MAP3K13: variants seen among roughly 807,000 people sequenced by gnomAD.
The protein encoded by MAP3K13 is mitogen-activated protein kinase kinase kinase 13.
Under a neutral mutation model 104.0 loss-of-function variants are expected in MAP3K13, and 52 were observed. The ratio of observed to expected loss-of-function variants is 0.50; its 90% CI spans 0.40 to 0.63. The LOEUF (loss-of-function observed/expected upper bound fraction) is 0.63, where lower values mean the gene tolerates loss of function less well. Among genes scored for constraint, MAP3K13 ranks in the 20% least tolerant of loss-of-function variants. The probability of loss-of-function intolerance (pLI) is 0.00; values close to 1 mark genes in which losing one functional copy is unlikely to be tolerated. For synonymous variants in MAP3K13, 394 were observed against 442.2 expected (o/e 0.89, Z 1.37); for missense variants, 914 against 1,218.5 (o/e 0.75, Z 3.72).
chr3:185,293,839 T>C (rs368946896), intron 2 of MAP3K13, among the ~76,000 whole-genome samples: 2 of 152,340 alleles, frequency 1.3e-5, no homozygotes, highest in East Asian at 3.9e-4. Flanking sequence ...ACAAAGAATT[T>C]AATATCAATT....
intron 2 of MAP3K13, among the ~76,000 whole-genome samples, chr3:185,312,038 G>T (rs1396144366): frequency 6.6e-6 from 1 of 152,198 alleles, no homozygotes; most frequent in Non-Finnish European, 1.5e-5. Context: ...AAAGGCATTG[G>T]GTAAATAGCC....
chr3:185,415,021 T>A (rs1185619158), intron 1 of MAP3K13, among the ~76,000 whole-genome samples: 1 of 152,180 alleles, frequency 6.6e-6, no homozygotes, highest in Non-Finnish European at 1.5e-5. Flanking sequence ...TTAAAACACT[T>A]TTTTAAAAGA....
chr3:185,379,736 A>C (rs765264081), intron 1 of MAP3K13, among the ~76,000 whole-genome samples: 33 of 152,226 alleles, frequency 2.2e-4, no homozygotes, highest in Non-Finnish European at 4.3e-4. Flanking sequence ...TTATACATTC[A>C]TTATTTTTTT....
Position 185,443,615 on chromosome 3 carries a change from A to G in MAP3K13, c.830A>G (p.His277Arg). Residue 277 changes from histidine (H) to arginine (R), a missense_variant, in exon 4 of 14, where the codon CAT becomes CGT. By Grantham distance (29) the His-to-Arg change is conservative. This residue lies in a region of MAP3K13 where 175 missense variants were observed against 321.3 expected (regional missense o/e 0.54). Coordinates refer to ENST00000265026, the MANE Select transcript of MAP3K13 (RefSeq NM_004721.5). ...MNYLHLHKIIHRDLKSPNVLV... is the reference protein window; with the variant it reads ...MNYLHLHKIIRRDLKSPNVLV... Reference sequence around the variant, plus strand: ...TATTTGCACCTCCATAAAATTATTCATCGTGATCTCAAATCACCTAAGTGA... The same window carrying G: ...TATTTGCACCTCCATAAAATTATTCGTCGTGATCTCAAATCACCTAAGTGA... 1 of 1,613,978 alleles carries G rather than the reference A, an allele frequency of 6.2e-7. No homozygotes were observed. Among genetic ancestry groups the G allele is most frequent in the Non-Finnish European group, 8.5e-7 (1 of 1,179,880 alleles).
intron 2 of MAP3K13, among the ~76,000 whole-genome samples, chr3:185,345,992 G>A (rs1722907280): frequency 6.6e-6 from 1 of 151,966 alleles, no homozygotes. Flanking sequence ...TTTTGTTTTT[G>A]TTTTACCTCA....
chr3:185,443,356 T>A, intron 3 of MAP3K13, 89 bp from the exon 4 acceptor site: 4 of 841,298 alleles, frequency 4.8e-6, no homozygotes, highest in Non-Finnish European at 3.5e-6. Context: ...AATTCGGGTA[T>A]AGAATTGGTT....
At chr3:185,330,755 G>A (rs1459885639) in intron 2 of MAP3K13, among the ~76,000 whole-genome samples, 1 of 152,148 alleles carries the variant, frequency 6.6e-6, no homozygotes, top group Non-Finnish European at 1.5e-5. Flanking sequence ...CCTCCAGTAG[G>A]TGCCCATACC....
At chr3:185,413,828 C>T (rs751877911) in intron 1 of MAP3K13, among the ~76,000 whole-genome samples, 4 of 151,908 alleles carry the variant, frequency 2.6e-5, no homozygotes, top group Admixed American at 6.6e-5. Flanking sequence ...CCTCAAAAAA[C>T]AAAAAACAAA....
At position 185,321,188 on chromosome 3, in the gene MAP3K13, T is replaced by TGGG. The variant is rs1176193869; in HGVS notation, c.-86+35546_-86+35547insGGG. 2.0e-5 allele frequency among the ~76,000 whole-genome samples: 3 copies of TGGG among 149,834 alleles called. No homozygotes were observed. The East Asian group carries it at 5.8e-4, about 29-fold the overall frequency. ...ATATGCGTGCACACACATATACACA[T>TGGG]GTGTATATTATATATGCATGCACAC... On this transcript the variant is annotated intron_variant, in intron 2 of 14. Transcript: ENST00000424227.
At chr3:185,412,082 C>G (rs887441618) in intron 1 of MAP3K13, among the ~76,000 whole-genome samples, 13 of 152,138 alleles carry the variant, frequency 8.5e-5, no homozygotes, top group Non-Finnish European at 1.9e-4. Flanking sequence ...CCATGCCCAG[C>G]CTAAATATGT....
chr3:185,425,962 A>G (rs1235630098), intron 1 of MAP3K13, among the ~76,000 whole-genome samples: 1 of 152,128 alleles, frequency 6.6e-6, no homozygotes, highest in African/African-American at 2.4e-5. Flanking sequence ...AAAGGGTAGG[A>G]ACCTATGGAC....
At chr3:185,349,865 A>C (rs1000411603) in intron 2 of MAP3K13, among the ~76,000 whole-genome samples, 1 of 152,166 alleles carries the variant, frequency 6.6e-6, no homozygotes, top group African/African-American at 2.4e-5. Flanking sequence ...GTGTGCGTAC[A>C]CTGCAGTAGG....
chr3:185,419,373 A>G (rs1217054068), intron 1 of MAP3K13, among the ~76,000 whole-genome samples: 1 of 152,228 alleles, frequency 6.6e-6, no homozygotes, highest in Non-Finnish European at 1.5e-5. Flanking sequence ...AGTATCCTTA[A>G]CATTTCACAT....
chr3:185,432,790 G>T (rs927659560), intron 2 of MAP3K13, among the ~76,000 whole-genome samples: 28 of 152,184 alleles, frequency 1.8e-4, no homozygotes, highest in African/African-American at 6.8e-4. Context: ...TTTCAAAAGG[G>T]TTTATTTCAC....
At chr3:185,416,745 G>A (rs889794388) in intron 1 of MAP3K13, among the ~76,000 whole-genome samples, 3 of 151,584 alleles carry the variant, frequency 2.0e-5, no homozygotes, top group Non-Finnish European at 2.9e-5. Context: ...CCTCAGCCTA[G>A]TAAGTAGTTG....
chr3:185,426,141 C>G (rs568655768), intron 1 of MAP3K13, among the ~76,000 whole-genome samples: 1 of 152,048 alleles, frequency 6.6e-6, no homozygotes. Flanking sequence ...AGTGTAGTAG[C>G]GCAATCTTGG....
intron 1 of MAP3K13, among the ~76,000 whole-genome samples, chr3:185,402,755 A>T (rs866437501): frequency 6.6e-6 from 1 of 152,098 alleles, no homozygotes; most frequent in African/African-American, 2.4e-5. Context: ...TGTGTAAAAA[A>T]CCCAGCCCTG....
chr3:185,381,671 G>A (rs1361813507), intron 1 of MAP3K13, among the ~76,000 whole-genome samples: 1 of 152,174 alleles, frequency 6.6e-6, no homozygotes, highest in Non-Finnish European at 1.5e-5. Flanking sequence ...TTGAAATGCT[G>A]TCTAGTGTTC....
chr3:185,440,229 T>C (rs1186358968), intron 3 of MAP3K13, among the ~76,000 whole-genome samples: 1 of 152,218 alleles, frequency 6.6e-6, no homozygotes, highest in Non-Finnish European at 1.5e-5. Context: ...GAAGTGATTA[T>C]AGAGCTGTTA....
Sources: allele counts gnomAD v4.1 joint callset (sites outside exome capture counted in the v4.1 genomes callset), GRCh38; gene constraint gnomAD v4.1.1; regional missense constraint gnomAD v4.1.1; transcripts MANE v1.5; gene names NCBI Gene and HGNC (gene_info 2026-07-23, HGNC 2026-07-21).